SPHKAP: variants seen among roughly 807,000 people sequenced by gnomAD.
SPHKAP encodes the protein SPHK1 interactor, AKAP domain containing.
In SPHKAP, 67 loss-of-function variants were observed where a neutral mutation model predicts 137.5. The observed-to-expected ratio is 0.49, with a 90% CI of 0.40 to 0.60. SPHKAP has a LOEUF of 0.60. SPHKAP is among the 20% of genes least tolerant of loss of function. The probability of loss-of-function intolerance (pLI) is 0.00; values close to 1 mark genes in which losing one functional copy is unlikely to be tolerated. For synonymous variants in SPHKAP, 813 were observed against 785.3 expected, an observed-to-expected ratio of 1.04 and a Z score of -0.59; for missense variants, 2,097 against 2,069.3, an observed-to-expected ratio of 1.01 and a Z score of -0.26.
intron 1 of SPHKAP, among the ~76,000 whole-genome samples, chr2:228,151,753 T>C (rs1699940085): frequency 6.6e-6 from 1 of 152,158 alleles, no homozygotes; most frequent in Non-Finnish European, 1.5e-5. Flanking sequence ...CAGGTCTTAT[T>C]ATCATTTCCT....
chr2:228,074,241 T>G (rs1056977893), intron 3 of SPHKAP, among the ~76,000 whole-genome samples: 52 of 152,354 alleles, frequency 3.4e-4, no homozygotes, highest in African/African-American at 1.1e-3. Context: ...AAATTTACAA[T>G]GGTTATAAAT....
intron 11 of SPHKAP, among the ~76,000 whole-genome samples, chr2:227,985,974 G>A (rs1693193985): frequency 6.6e-6 from 1 of 152,174 alleles, no homozygotes; most frequent in African/African-American, 2.4e-5. Context: ...AGCCTTGGCT[G>A]CACTCTGGAA....
chr2:228,103,707 T>C (rs1008407404), intron 3 of SPHKAP, among the ~76,000 whole-genome samples: 2 of 152,168 alleles, frequency 1.3e-5, no homozygotes, highest in African/African-American at 4.8e-5. Flanking sequence ...CTTCTGCCAT[T>C]AGCATTTGAT....
At chr2:228,177,350 G>C (rs1324938488) in intron 1 of SPHKAP, among the ~76,000 whole-genome samples, 1 of 152,142 alleles carries the variant, frequency 6.6e-6, no homozygotes, top group African/African-American at 2.4e-5. Context: ...CTCTTGGGCA[G>C]TGTTACCCTG....
chr2:227,983,022 TAGG>T (rs551060751), intron 11 of SPHKAP, among the ~76,000 whole-genome samples: 11 of 152,332 alleles, frequency 7.2e-5, no homozygotes, highest in Admixed American at 5.2e-4. Context: ...GGCATTGTTT[TAGG>T]AGGAGGAGAG....
intron 3 of SPHKAP, among the ~76,000 whole-genome samples, chr2:228,091,513 A>G (rs945638704): frequency 6.6e-6 from 1 of 152,222 alleles, no homozygotes; most frequent in Non-Finnish European, 1.5e-5. Flanking sequence ...TTCACAATCT[A>G]TACACCTGAC....
At chr2:228,038,868 C>T (rs898134303) in intron 3 of SPHKAP, among the ~76,000 whole-genome samples, 5 of 152,138 alleles carry the variant, frequency 3.3e-5, no homozygotes, top group African/African-American at 1.2e-4. Flanking sequence ...TGAATGTAGT[C>T]AATAAACAGT....
At chr2:228,112,650 T>C (rs1353146423) in intron 2 of SPHKAP, among the ~76,000 whole-genome samples, 1 of 152,050 alleles carries the variant, frequency 6.6e-6, no homozygotes, top group Non-Finnish European at 1.5e-5. Context: ...TCCAGAGCTA[T>C]GAAAGGGGCT....
chr2:228,055,705 T>C (rs955635524), intron 3 of SPHKAP, among the ~76,000 whole-genome samples: 1 of 152,210 alleles, frequency 6.6e-6, no homozygotes, highest in African/African-American at 2.4e-5. Context: ...GCTGATGGCA[T>C]TGGGATTCCC....
chr2:228,092,334 C>T (rs764870468), intron 3 of SPHKAP, among the ~76,000 whole-genome samples: 6 of 141,608 alleles, frequency 4.2e-5, no homozygotes, highest in Non-Finnish European at 9.2e-5. Context: ...TACACACACA[C>T]GTGTATGTGT....
At chr2:228,014,513 C>A (rs1694491955) in intron 7 of SPHKAP, among the ~76,000 whole-genome samples, 1 of 152,134 alleles carries the variant, frequency 6.6e-6, no homozygotes, top group South Asian at 2.1e-4. Context: ...GCTTTGTGTT[C>A]TTTTGCTTTT....
intron 1 of SPHKAP, among the ~76,000 whole-genome samples, chr2:228,179,871 C>A (rs1700847525): frequency 6.6e-6 from 1 of 152,158 alleles, no homozygotes; most frequent in South Asian, 2.1e-4. Context: ...TCAGGCGCAG[C>A]TATATTGGTC....
intron 2 of SPHKAP, among the ~76,000 whole-genome samples, chr2:228,115,443 C>T (rs750823696): frequency 2.6e-5 from 4 of 152,122 alleles, no homozygotes; most frequent in African/African-American, 9.7e-5. Context: ...GTTACCCTGG[C>T]TTGAAAATTT....
intron 3 of SPHKAP, among the ~76,000 whole-genome samples, chr2:228,101,661 C>G (rs143289730): frequency 3.2e-3 from 483 of 152,202 alleles, no homozygotes; most frequent in African/African-American, 0.011. Flanking sequence ...AGATAAGGAA[C>G]CTGAGGCAGA....
intron 3 of SPHKAP, among the ~76,000 whole-genome samples, chr2:228,062,320 T>C (rs1696675029): frequency 6.6e-6 from 1 of 152,104 alleles, no homozygotes; most frequent in East Asian, 1.9e-4. Flanking sequence ...AGACAGTGTT[T>C]CACCATGTCA....
chr2:228,113,201 T>A (rs955730906), intron 2 of SPHKAP, among the ~76,000 whole-genome samples: 5 of 152,116 alleles, frequency 3.3e-5, no homozygotes, highest in Admixed American at 6.6e-5. Flanking sequence ...TTTCCATAAA[T>A]TTCATTAACA....
intron 3 of SPHKAP, among the ~76,000 whole-genome samples, chr2:228,067,853 A>G (rs1696878047): frequency 6.6e-6 from 1 of 152,190 alleles, no homozygotes; most frequent in South Asian, 2.1e-4. Flanking sequence ...TGAAACATGG[A>G]TTGAAAATTT....
Position 228,017,723 on chromosome 2 carries a change from G to A in SPHKAP, c.3131C>T (p.Ala1044Val). ...GAACTCCGTTAGGTTCATGATCTTG[G>A]CTGCCACTTCATTGGCAAAAAGATT... Reference protein sequence around the residue: ...SVNLFANEVAAKIMNLTEFSM... With the variant: ...SVNLFANEVAVKIMNLTEFSM... Residue 1044 changes from alanine to valine, a missense_variant, in exon 7 of 12, where the codon GCC becomes GTC. Ala to Val is a moderately conservative substitution (Grantham distance 64, BLOSUM62 0). Transcript: ENST00000392056. The A allele has an allele frequency of 6.2e-7, 1 of 1,614,048 alleles. No individual in the cohort carries two copies. The highest frequency in any genetic ancestry group is 1.1e-5 in the South Asian group (1 of 91,080).
intron 1 of SPHKAP, among the ~76,000 whole-genome samples, chr2:228,159,668 G>T (rs1018757146): frequency 1.3e-5 from 2 of 152,118 alleles, no homozygotes; most frequent in African/African-American, 2.4e-5. Context: ...TAAGAAAATG[G>T]AGATCTGGGC....
Sources: allele counts gnomAD v4.1 joint callset (sites outside exome capture counted in the v4.1 genomes callset), GRCh38; gene constraint gnomAD v4.1.1; transcripts MANE v1.5; gene names NCBI Gene and HGNC (gene_info 2026-07-23, HGNC 2026-07-21).